The following TMEM232 variants were observed in gnomAD, a reference collection of about 807,000 sequenced individuals.
TMEM232 encodes transmembrane protein 232.
In TMEM232, 80 loss-of-function variants were observed where a neutral mutation model predicts 78.8. The ratio of observed to expected loss-of-function variants is 1.01; its 90% confidence interval spans 0.85 to 1.22. TMEM232 has a LOEUF of 1.22. TMEM232 is among the 50% of genes most tolerant of loss of function. The pLI is 0.00. For synonymous variants in TMEM232, 297 were observed against 254.3 expected (o/e 1.17, Z -1.60); for missense variants, 881 against 742.2 (o/e 1.19, Z -2.17).
chr5:110,414,254 A>C (rs1169027990), intron 2 of TMEM232, among the ~76,000 whole-genome samples: 1 of 152,150 alleles, frequency 6.6e-6, no homozygotes, highest in African/African-American at 2.4e-5. Flanking sequence ...TTACACACAC[A>C]CATACAAGTG....
intron 12 of TMEM232, among the ~76,000 whole-genome samples, chr5:110,467,947 A>C (rs1762261656): frequency 6.6e-6 from 1 of 151,956 alleles, no homozygotes; most frequent in Non-Finnish European, 1.5e-5. Flanking sequence ...TGATATGTGG[A>C]TTTACCTTTA....
chr5:110,512,330 A>C (rs868698499), intron 12 of TMEM232, among the ~76,000 whole-genome samples: 2 of 152,214 alleles, frequency 1.3e-5, no homozygotes, highest in African/African-American at 4.8e-5. Flanking sequence ...GCAAAGTTCC[A>C]AATAACTTTT....
At chr5:110,734,490 T>C (rs1418103533) in intron 2 of TMEM232, among the ~76,000 whole-genome samples, 1 of 152,240 alleles carries the variant, frequency 6.6e-6, no homozygotes, top group African/African-American at 2.4e-5. Context: ...GACAAGGGTA[T>C]GGACATACAG....
intron 11 of TMEM232, among the ~76,000 whole-genome samples, chr5:110,556,490 C>T (rs1277522502): frequency 1.3e-5 from 2 of 151,992 alleles, no homozygotes; most frequent in African/African-American, 4.8e-5. Flanking sequence ...CAGAATCAAG[C>T]AATCCTCCCA....
rs555373269 is a variant in TMEM232, at chr5:110,602,588, A to G, written c.1276+2521T>C. Among the ~76,000 whole-genome samples, 29 of 152,342 alleles carry G rather than the reference A, an allele frequency of 1.9e-4. No individual in the cohort carries two copies. The East Asian group carries it at 3.3e-3, about 17-fold the overall frequency. ...AAGAGAAGTATAAGTCAAAACCACA[A>G]TGAGATACTATCTCATACCACTTAG... On this transcript the variant is annotated intron_variant, in intron 10 of 13. Coordinates refer to ENST00000455884, the MANE Select transcript of TMEM232 (RefSeq NM_001039763.4).
intron 3 of TMEM232, among the ~76,000 whole-genome samples, chr5:110,397,520 C>G (rs757449786): frequency 6.6e-6 from 1 of 152,108 alleles, no homozygotes; most frequent in Non-Finnish European, 1.5e-5. Flanking sequence ...TGCCTTGAGT[C>G]ATTCTCTAGC....
intron 1 of TMEM232, among the ~76,000 whole-genome samples, chr5:110,676,380 T>G (rs1052753415): frequency 2.6e-5 from 4 of 151,656 alleles, no homozygotes; most frequent in Non-Finnish European, 5.9e-5. Flanking sequence ...TTGACACCAG[T>G]AGTGTACAGG....
chr5:110,454,325 TATTA>T (rs1210523388), intron 12 of TMEM232, among the ~76,000 whole-genome samples: 2 of 151,588 alleles, frequency 1.3e-5, no homozygotes, highest in Admixed American at 6.6e-5. Flanking sequence ...CATAAAAAAA[TATTA>T]AACTAAAGAA....
chr5:110,638,699 TCAACTC>T (rs1786244563), intron 4 of TMEM232, among the ~76,000 whole-genome samples: 3 of 152,072 alleles, frequency 2.0e-5, no homozygotes, highest in Admixed American at 2.0e-4. Flanking sequence ...TGTAGGAAGT[TCAACTC>T]CATGGCATGA....
At chr5:110,633,946 T>C (rs933830876) in intron 5 of TMEM232, among the ~76,000 whole-genome samples, 61 of 152,154 alleles carry the variant, frequency 4.0e-4, no homozygotes, top group African/African-American at 1.4e-3. Flanking sequence ...GTATGCTGCC[T>C]ATAAGAAATG....
At chr5:110,600,816 C>G (rs369285956) in intron 10 of TMEM232, among the ~76,000 whole-genome samples, 5 of 152,268 alleles carry the variant, frequency 3.3e-5, no homozygotes, top group East Asian at 3.9e-4. Context: ...TTTTATGAGG[C>G]CAGCATCATC....
intron 8 of TMEM232, chr5:110,610,663 A>G: frequency 2.5e-6 from 1 of 405,122 alleles, no homozygotes; most frequent in South Asian, 1.8e-5. Flanking sequence ...GATGTTCCTA[A>G]AAAATTCTGG....
intron 12 of TMEM232, among the ~76,000 whole-genome samples, chr5:110,440,509 G>T (rs913612740): frequency 1.3e-5 from 2 of 152,070 alleles, no homozygotes; most frequent in Admixed American, 6.6e-5. Context: ...AATATGGAAA[G>T]ATATTTGAAA....
chr5:110,707,292 C>G (rs1192386133), intron 1 of TMEM232, among the ~76,000 whole-genome samples: 4 of 152,116 alleles, frequency 2.6e-5, no homozygotes, highest in Admixed American at 2.0e-4. Context: ...CCACACCTAC[C>G]CCATTCCCCA....
Position 110,627,819 on chromosome 5 carries a change from A to G in TMEM232, c.563T>C (p.Phe188Ser). The change falls in exon 6 of 14, where the codon TTT (phenylalanine) becomes TCT (serine). Residue 188 changes from phenylalanine to serine, a missense_variant. By Grantham distance (155) the Phe-to-Ser change is radical (BLOSUM62 -2). Coordinates refer to ENST00000455884, the MANE Select transcript of TMEM232 (RefSeq NM_001039763.4). ...IFFLHGHLES[F>S]KQHLLRLQPY... Reference sequence around the variant, plus strand: ...TTGAAGCCTAAGTAAATGTTGTTTAAAACTTTCTAGATGACCATGCAGGAA... The same window carrying G: ...TTGAAGCCTAAGTAAATGTTGTTTAGAACTTTCTAGATGACCATGCAGGAA... 6.5e-7 allele frequency: 1 copy of G among 1,536,778 alleles called. No individual in the cohort carries two copies. Among genetic ancestry groups the G allele is most frequent in the South Asian group, 1.2e-5 (1 of 80,170 alleles).
At position 110,638,322 on chromosome 5, in the gene TMEM232, T is replaced by A. The variant is rs1037642730; in HGVS notation, c.377A>T (p.His126Leu). 1 of 1,550,814 alleles carries A rather than the reference T, an allele frequency of 6.4e-7. No individual in the cohort carries two copies. Residue 126 changes from histidine to leucine, a missense_variant, in exon 5 of 14, where the codon CAT becomes CTT. Transcript: ENST00000455884. Reference protein sequence around the residue: ...SLNMLYASLDHASFDYDHLPA... With the variant: ...SLNMLYASLDLASFDYDHLPA... ...CAGATGATCATAATCAAAGGAAGCA[T>A]GGTCCAGAGATGCATAAAGCATATT...
intron 12 of TMEM232, among the ~76,000 whole-genome samples, chr5:110,495,161 G>C (rs1485136722): frequency 1.3e-5 from 2 of 151,334 alleles, no homozygotes; most frequent in Non-Finnish European, 3.0e-5. Flanking sequence ...CTCAAAAATT[G>C]AGTAATTTTA....
upstream of TMEM232, among the ~76,000 whole-genome samples, chr5:110,730,402 T>C (rs1798564784): frequency 6.6e-6 from 1 of 152,260 alleles, no homozygotes; most frequent in Non-Finnish European, 1.5e-5. Flanking sequence ...TTAACTATTT[T>C]TGATATTATG....
In TMEM232 at chr5:110,451,058, A is replaced by C. The variant is rs568058814; in HGVS notation, c.1704-26142T>G. Among the ~76,000 whole-genome samples, 10 of 152,284 alleles carry C rather than the reference A, an allele frequency of 6.6e-5. No individual in the cohort carries two copies. In the South Asian group the frequency reaches 2.1e-3, roughly 32 times the overall value. ...CCACATGGTAGGTCATCTCAGAAGG[A>C]ATACCGCATTTGGCTGTGATGGAAC... On this transcript the variant is annotated intron_variant, in intron 12 of 13. Coordinates refer to ENST00000455884, the MANE Select transcript of TMEM232 (RefSeq NM_001039763.4).
Sources: gnomAD v4.1 joint callset for allele counts (sites outside exome capture counted in the v4.1 genomes callset) on GRCh38, gnomAD v4.1.1 for gene constraint, MANE v1.5 for transcripts, NCBI Gene and HGNC (gene_info 2026-07-23, HGNC 2026-07-21) for gene names.